The following DNAH14 variants were observed in gnomAD, a reference collection of about 807,000 sequenced individuals.
The protein encoded by DNAH14 is dynein axonemal heavy chain 14, also known as axonemal beta dynein heavy chain 14.
A neutral mutation model predicts 520.9 loss-of-function variants in DNAH14; 478 were observed. The observed-to-expected ratio is 0.92, with a 90% CI of 0.85 to 0.99. The LOEUF (loss-of-function observed/expected upper bound fraction) is 0.99, where lower values mean the gene tolerates loss of function less well. Ranked by LOEUF, DNAH14 falls within the 50% of genes least tolerant of loss-of-function variation. The pLI is 0.00. For missense variants in DNAH14, 4,831 were observed against 5,234.5 expected (o/e 0.92, Z 2.38); for synonymous variants, 1,581 against 1,757.2 (o/e 0.90, Z 2.51).
At chr1:225,235,547 G>A (rs941115375) in intron 42 of DNAH14, among the ~76,000 whole-genome samples, 8 of 152,052 alleles carry the variant, frequency 5.3e-5, no homozygotes, top group African/African-American at 1.7e-4. Context: ...AATAATGATG[G>A]CCTCAGGAAA....
rs773835192 is a variant in DNAH14, at chr1:225,392,329, C to T, written c.13369C>T (p.Arg4457Ter). 62 of 1,552,246 alleles carry T rather than the reference C, an allele frequency of 4.0e-5. No homozygotes were observed. The highest frequency in any genetic ancestry group is 5.2e-5 in the Non-Finnish European group (60 of 1,147,158). The change falls in exon 84 of 86, where the codon CGA becomes TGA. Residue 4457 changes from arginine (R) to a stop codon, truncating the protein, a stop_gained. Transcript: ENST00000682510. LOFTEE classifies it high-confidence loss of function. ...AAVLQDYGRSRGIAVDALTFT... is the reference protein window; with the variant it reads ...AAVLQDYGRS ...TGTGCTTCAAGACTATGGGAGGTCC[C>T]GAGGAATCGCTGTGGATGCCCTCAC...
At chr1:224,976,768 C>T (rs1335359488) in intron 8 of DNAH14, among the ~76,000 whole-genome samples, 1 of 151,406 alleles carries the variant, frequency 6.6e-6, no homozygotes, top group Non-Finnish European at 1.5e-5. Context: ...CAGAGAAATG[C>T]AAATCAAAAC....
At chr1:224,964,822 A>G (rs1247422467) in intron 5 of DNAH14, among the ~76,000 whole-genome samples, 9 of 152,180 alleles carry the variant, frequency 5.9e-5, no homozygotes, top group Non-Finnish European at 1.3e-4. Context: ...CTTTAAGTCT[A>G]TAACACATCA....
At chr1:225,334,877 CAT>C (rs141792910) in intron 66 of DNAH14, among the ~76,000 whole-genome samples, 5 of 136,948 alleles carry the variant, frequency 3.7e-5, no homozygotes, top group African/African-American at 1.1e-4. Context: ...TCTCTCTCTA[CAT>C]ATATATGTGT....
At chr1:225,196,084 A>G (rs886382306) in intron 38 of DNAH14, among the ~76,000 whole-genome samples, 1 of 152,038 alleles carries the variant, frequency 6.6e-6, no homozygotes, top group African/African-American at 2.4e-5. Context: ...TAAGTTCCTT[A>G]GTGGTGATTT....
rs2065896006 is a variant in DNAH14 at position 225,023,819 on chromosome 1, G to T, written c.1312G>T (p.Ala438Ser). ...TLLLELFNGSAGMPFSVEKKN... is the reference protein window; with the variant it reads ...TLLLELFNGSSGMPFSVEKKN... ...ACTTTTGGAATTATTTAATGGTTCT[G>T]CTGGAATGCCATTTTCAGTGGAAAA... Residue 438 changes from alanine to serine, a missense_variant, in exon 11 of 86, where the codon GCT becomes TCT. Ala to Ser is a moderately conservative substitution (Grantham distance 99). Coordinates refer to ENST00000682510, the MANE Select transcript of DNAH14 (RefSeq NM_001367479.1). 6 of 1,543,466 alleles carry T rather than the reference G, an allele frequency of 3.9e-6. No individual in the cohort carries two copies. Among genetic ancestry groups the T allele is most frequent in the Admixed American group, 2.0e-5 (1 of 50,238 alleles).
chr1:225,380,157 A>G lies in DNAH14; in HGVS notation c.12717-2A>G. ...TCATTCTTCTCTTGGTTTTTTTTGCAGACCTGAGCAGAGTAAGGATGAACT... is the reference window on the plus strand; with the variant it reads ...TCATTCTTCTCTTGGTTTTTTTTGCGGACCTGAGCAGAGTAAGGATGAACT... On this transcript the variant is annotated splice_acceptor_variant, in intron 79 of 85. Transcript: ENST00000682510. LOFTEE classifies it high-confidence loss of function. The G allele has an allele frequency of 6.5e-7, 1 of 1,539,132 alleles. No homozygotes were observed. Among genetic ancestry groups the G allele is most frequent in the Non-Finnish European group, 8.8e-7 (1 of 1,142,694 alleles).
At chr1:225,351,935 T>C in intron 72 of DNAH14, 52 bp downstream of exon 72, 1 of 1,394,282 alleles carries the variant, frequency 7.2e-7, no homozygotes, top group South Asian at 1.4e-5. Context: ...TGTATGTGTA[T>C]GGATTTTCAA....
chr1:225,337,248 C>G lies in DNAH14; in HGVS notation c.10081-18C>G. On this transcript the variant is annotated intron_variant, in intron 66 of 85. Coordinates refer to ENST00000682510, the MANE Select transcript of DNAH14 (RefSeq NM_001367479.1). ...AGACATTTACAAAATAGTGAAAGTA[C>G]TAATAATTTCATTGCAGATCAGCCG... 2 of 1,530,582 alleles carry G rather than the reference C, an allele frequency of 1.3e-6. No homozygotes were observed. The highest frequency in any genetic ancestry group is 2.4e-5 in the South Asian group (2 of 83,610). 94.8% of individuals were successfully genotyped at this position (1,530,582 alleles called of 1,614,324 possible).
intron 43 of DNAH14, among the ~76,000 whole-genome samples, chr1:225,249,727 A>C (rs78809628): frequency 0.049 from 7,469 of 152,240 alleles, 287 homozygotes; most frequent in Non-Finnish European, 0.073. Flanking sequence ...TTCCATTATG[A>C]TCTCCGTTCC....
chr1:225,260,029 T>TAC (rs1038426872), intron 46 of DNAH14, among the ~76,000 whole-genome samples: 3 of 151,660 alleles, frequency 2.0e-5, no homozygotes, highest in African/African-American at 4.8e-5. Flanking sequence ...TATATATATA[T>TAC]ACACACACAC....
intron 19 of DNAH14, 52 bp downstream of exon 19, chr1:225,080,800 C>G (rs954696718): frequency 6.9e-7 from 1 of 1,458,418 alleles, no homozygotes; most frequent in South Asian, 1.5e-5. Context: ...ACCAAATGGC[C>G]TTTGGACATC....
chr1:225,163,760 A>G lies in DNAH14; in HGVS notation c.5446-4179A>G, dbSNP rs550597318. Among the ~76,000 whole-genome samples the G allele has an allele frequency of 7.1e-4, 108 of 152,264 alleles. 1 individual carries two copies. The highest frequency in any genetic ancestry group is 1.4e-3 in the Non-Finnish European group (98 of 68,028). On this transcript the variant is annotated intron_variant, in intron 35 of 85. Transcript: ENST00000682510. ...GTTTTGTTGAATTTGGTTTGCTAGT[A>G]TTTCATTGAGAATTTTCATGTCAAT... is the stretch of plus-strand genomic sequence containing the variant.
chr1:225,241,350 G>A (rs977045971), intron 43 of DNAH14, among the ~76,000 whole-genome samples: 6 of 152,026 alleles, frequency 3.9e-5, no homozygotes, highest in Admixed American at 6.6e-5. Context: ...GTTGATGCAG[G>A]TACCAAAAAG....
intron 10 of DNAH14, among the ~76,000 whole-genome samples, chr1:225,007,927 C>CTTTTTTTT (rs71170042): frequency 6.9e-6 from 1 of 144,318 alleles, no homozygotes. Context: ...TTTCTTTTTT[C>CTTTTTTTT]TTTTTTTTTT....
At chr1:225,316,129 T>A (rs1180075289) in intron 60 of DNAH14, among the ~76,000 whole-genome samples, 3 of 152,182 alleles carry the variant, frequency 2.0e-5, no homozygotes, top group Non-Finnish European at 4.4e-5. Flanking sequence ...GTCCAAAATT[T>A]GGGGCAGCTT....
chr1:225,254,613 T>C (rs1429708699), intron 44 of DNAH14, among the ~76,000 whole-genome samples: 1 of 152,200 alleles, frequency 6.6e-6, no homozygotes. Context: ...AAAAGTTAAC[T>C]AGTTTTTAAG....
At chr1:225,387,755 C>G (rs73136979) in intron 81 of DNAH14, among the ~76,000 whole-genome samples, 2,756 of 152,188 alleles carry the variant, frequency 0.018, 89 homozygotes, top group African/African-American at 0.063. Flanking sequence ...CTTGTGATTT[C>G]TAATGAAGAC....
intron 27 of DNAH14, among the ~76,000 whole-genome samples, chr1:225,127,578 CT>C (rs2077880978): frequency 6.6e-6 from 1 of 152,028 alleles, no homozygotes; most frequent in African/African-American, 2.4e-5. Context: ...TTCCTCCATC[CT>C]TTTATTTTGA....
Sources: allele counts gnomAD v4.1 joint callset (sites outside exome capture counted in the v4.1 genomes callset), GRCh38; gene constraint gnomAD v4.1.1; transcripts MANE v1.5; gene names NCBI Gene and HGNC (gene_info 2026-07-23, HGNC 2026-07-21).